Variants in JARID2 observed in about 807,000 individuals in gnomAD.
JARID2 encodes the protein protein Jumonji.
JARID2 carries 21 observed loss-of-function variants against 125.6 expected under a neutral mutation model. The observed-to-expected ratio is 0.17, with a 90% CI of 0.12 to 0.24. The LOEUF is 0.24. Among genes scored for constraint, JARID2 ranks in the 10% least tolerant of loss-of-function variants. The pLI, the probability that JARID2 is intolerant of heterozygous loss-of-function variation, is 1.00. For missense variants in JARID2, 1,303 were observed against 1,639.6 expected (o/e 0.79, Z 3.55); for synonymous variants, 736 against 661.6 (o/e 1.11, Z -1.73).
At chr6:15,314,400 C>T (rs1435263090) in intron 1 of JARID2, among the ~76,000 whole-genome samples, 2 of 152,184 alleles carry the variant, frequency 1.3e-5, no homozygotes, top group East Asian at 1.9e-4. Flanking sequence ...AAATTTACCC[C>T]AAGCACCTGG....
At chr6:15,409,270 A>AGG (rs1468871776) in intron 2 of JARID2, among the ~76,000 whole-genome samples, 2 of 152,212 alleles carry the variant, frequency 1.3e-5, no homozygotes, top group African/African-American at 4.8e-5. Context: ...GCAAAAATCA[A>AGG]GGGGCCACTC....
intron 2 of JARID2, among the ~76,000 whole-genome samples, chr6:15,390,015 G>T (rs1002432119): frequency 1.3e-5 from 2 of 152,164 alleles, no homozygotes; most frequent in East Asian, 3.9e-4. Context: ...CAACTTAAAT[G>T]AGGAGGGCGG....
intron 6 of JARID2, among the ~76,000 whole-genome samples, chr6:15,495,797 T>A (rs1770386136): frequency 6.6e-6 from 1 of 151,714 alleles, no homozygotes; most frequent in Non-Finnish European, 1.5e-5. Context: ...CGTGGGGAGG[T>A]CTTCATTGTG....
intron 17 of JARID2, among the ~76,000 whole-genome samples, chr6:15,519,042 T>C (rs1324685239): frequency 6.6e-6 from 1 of 152,194 alleles, no homozygotes; most frequent in Non-Finnish European, 1.5e-5. Flanking sequence ...GCAGGCTGGC[T>C]GAGCAGGGTG....
intron 4 of JARID2, among the ~76,000 whole-genome samples, chr6:15,455,069 G>A (rs1768095677): frequency 6.6e-6 from 1 of 151,870 alleles, no homozygotes; most frequent in Admixed American, 6.6e-5. Context: ...TGGTTGTGCC[G>A]TCTATAGTCC....
intron 1 of JARID2, among the ~76,000 whole-genome samples, chr6:15,327,764 C>T: frequency 6.6e-6 from 1 of 152,158 alleles, no homozygotes; most frequent in East Asian, 1.9e-4. Flanking sequence ...ATTCAAGAAG[C>T]AGATGAATGG....
intron 1 of JARID2, among the ~76,000 whole-genome samples, chr6:15,294,348 ACAC>A (rs1761331412): frequency 2.6e-5 from 4 of 152,154 alleles, no homozygotes; most frequent in Admixed American, 2.6e-4. Flanking sequence ...GCGTGCCAGC[ACAC>A]CCGGCTAATT....
chr6:15,316,368 C>T (rs535113139), intron 1 of JARID2, among the ~76,000 whole-genome samples: 1 of 152,282 alleles, frequency 6.6e-6, no homozygotes, highest in African/African-American at 2.4e-5. Flanking sequence ...AGCCACCATA[C>T]CCGGCCAGAT....
intron 5 of JARID2, among the ~76,000 whole-genome samples, chr6:15,474,863 T>C (rs1769264003): frequency 6.6e-6 from 1 of 152,260 alleles, no homozygotes; most frequent in Admixed American, 6.5e-5. Context: ...CATTGCTATC[T>C]ATACTTTGTT....
intron 5 of JARID2, among the ~76,000 whole-genome samples, chr6:15,486,790 T>A (rs1034451953): frequency 6.8e-6 from 1 of 147,474 alleles, no homozygotes; most frequent in African/African-American, 2.5e-5. Context: ...GCATCTCTTT[T>A]AAATCTGAGA....
intron 1 of JARID2, among the ~76,000 whole-genome samples, chr6:15,332,680 C>A (rs1762746386): frequency 6.6e-6 from 1 of 152,134 alleles, no homozygotes; most frequent in Non-Finnish European, 1.5e-5. Flanking sequence ...GTCTGATAGG[C>A]CTTCTAAGTT....
intron 1 of JARID2, among the ~76,000 whole-genome samples, chr6:15,300,422 A>G (rs1470585692): frequency 6.6e-6 from 1 of 152,126 alleles, no homozygotes; most frequent in Non-Finnish European, 1.5e-5. Flanking sequence ...CATTCCATGT[A>G]AGCTTTTGGG....
At chr6:15,490,396 CTGTCTT>C in intron 6 of JARID2, among the ~76,000 whole-genome samples, 4 of 152,132 alleles carry the variant, frequency 2.6e-5, no homozygotes, top group Non-Finnish European at 5.9e-5. Context: ...GTGCATGCAC[CTGTCTT>C]CCAAGTCTAA....
chr6:15,464,706 T>C (rs1362623878), intron 4 of JARID2, among the ~76,000 whole-genome samples: 1 of 152,228 alleles, frequency 6.6e-6, no homozygotes, highest in Non-Finnish European at 1.5e-5. Flanking sequence ...CTTTCCCTTT[T>C]CCCAGTCTTC....
chr6:15,325,650 T>C (rs1390901947), intron 1 of JARID2, among the ~76,000 whole-genome samples: 1 of 152,190 alleles, frequency 6.6e-6, no homozygotes, highest in African/African-American at 2.4e-5. Context: ...AGGAAATTCT[T>C]ATTTACCGCC....
chr6:15,319,500 C>T (rs531207975), intron 1 of JARID2, among the ~76,000 whole-genome samples: 4 of 152,204 alleles, frequency 2.6e-5, no homozygotes, highest in East Asian at 1.9e-4. Flanking sequence ...CGTGTTCAAG[C>T]GATTCTTGTG....
intron 3 of JARID2, among the ~76,000 whole-genome samples, chr6:15,423,202 G>A (rs1008696369): frequency 2.4e-4 from 37 of 152,016 alleles, no homozygotes; most frequent in Admixed American, 1.3e-4. Context: ...TTTTCACCAT[G>A]TTGCTCAGGC....
chr6:15,389,792 T>C (rs1764929834), intron 2 of JARID2, among the ~76,000 whole-genome samples: 1 of 152,206 alleles, frequency 6.6e-6, no homozygotes, highest in Non-Finnish European at 1.5e-5. Flanking sequence ...CGTGTCATTA[T>C]CCTAGCTAAG....
At chr6:15,493,774 C>T (rs971663107) in intron 6 of JARID2, among the ~76,000 whole-genome samples, 1 of 151,832 alleles carries the variant, frequency 6.6e-6, no homozygotes, top group African/African-American at 2.4e-5. Flanking sequence ...TTAGTGGAAG[C>T]ATTTGAAAGA....
Sources: allele counts gnomAD v4.1 joint callset (sites outside exome capture counted in the v4.1 genomes callset), GRCh38; gene constraint gnomAD v4.1.1; transcripts MANE v1.5; gene names NCBI Gene and HGNC (gene_info 2026-07-23, HGNC 2026-07-21).